TTC39B: variants seen among roughly 807,000 people sequenced by gnomAD.
TTC39B encodes tetratricopeptide repeat protein 39B.
In TTC39B, 92 loss-of-function variants were observed where a neutral mutation model predicts 96.6. That is an observed-to-expected ratio of 0.95 (90% confidence interval 0.80 to 1.13). TTC39B has a LOEUF of 1.13. TTC39B is among the 50% of genes most tolerant of loss of function. TTC39B has a pLI of 0.00. For missense variants in TTC39B, 955 were observed against 809.3 expected (o/e 1.18, Z -2.18); for synonymous variants, 367 against 299.4 (o/e 1.23, Z -2.33).
exon 20 of TTC39B, chr9:15,170,793 G>T (rs1304684911): frequency 6.6e-6 from 1 of 152,182 alleles, no homozygotes; most frequent in Non-Finnish European, 1.5e-5. Context: ...ATACATGTGG[G>T]GAGTTGGGGG....
intron 3 of TTC39B, among the ~76,000 whole-genome samples, chr9:15,220,451 T>C (rs1820781930): frequency 6.6e-6 from 1 of 152,214 alleles, no homozygotes; most frequent in Non-Finnish European, 1.5e-5. Flanking sequence ...TCCAAATCTT[T>C]GTTTCCTCAG....
intron 1 of TTC39B, among the ~76,000 whole-genome samples, chr9:15,286,867 C>A (rs953162428): frequency 1.3e-5 from 2 of 152,100 alleles, no homozygotes; most frequent in African/African-American, 4.8e-5. Context: ...CTCCACTGTT[C>A]TTAATTATTT....
At chr9:15,230,634 T>A (rs963522878) in intron 2 of TTC39B, among the ~76,000 whole-genome samples, 4 of 152,206 alleles carry the variant, frequency 2.6e-5, no homozygotes, top group Non-Finnish European at 5.9e-5. Flanking sequence ...TGATAATATA[T>A]GAATAATTTG....
At chr9:15,253,657 C>G (rs1175360680) in intron 2 of TTC39B, among the ~76,000 whole-genome samples, 1 of 152,190 alleles carries the variant, frequency 6.6e-6, no homozygotes, top group East Asian at 1.9e-4. Context: ...TGTCCCTTTG[C>G]CAATATTATC....
At chr9:15,239,110 A>G (rs1821919805) in intron 2 of TTC39B, among the ~76,000 whole-genome samples, 1 of 152,232 alleles carries the variant, frequency 6.6e-6, no homozygotes. Flanking sequence ...AGGCCTGAAC[A>G]GATATTTCTT....
At chr9:15,190,657 C>A (rs1208459061) in exon 11 of TTC39B, 3 of 1,612,786 alleles carry the variant, frequency 1.9e-6, no homozygotes, top group African/African-American at 2.7e-5. Context: ...GCAGGAGGCC[C>A]AACTCCTATG....
At chr9:15,198,461 AAT>A (rs61517681) in intron 8 of TTC39B, among the ~76,000 whole-genome samples, 33,799 of 116,980 alleles carry the variant, frequency 0.29, 3,957 homozygotes, top group Middle Eastern at 0.32. Flanking sequence ...CGGTCGCAAA[AAT>A]ATATATATAT....
chr9:15,288,602 T>C (rs1278559741), intron 1 of TTC39B, among the ~76,000 whole-genome samples: 1 of 152,096 alleles, frequency 6.6e-6, no homozygotes, highest in East Asian at 1.9e-4. Context: ...AGCCCCCACA[T>C]TCATCCTTCA....
At chr9:15,214,607 C>G (rs921388235) in intron 3 of TTC39B, among the ~76,000 whole-genome samples, 1 of 152,096 alleles carries the variant, frequency 6.6e-6, no homozygotes, top group Non-Finnish European at 1.5e-5. Context: ...AACTAACTTC[C>G]CTCCCCGACC....
At chr9:15,213,071 C>T (rs1820300416) in intron 4 of TTC39B, among the ~76,000 whole-genome samples, 1 of 152,084 alleles carries the variant, frequency 6.6e-6, no homozygotes, top group South Asian at 2.1e-4. Context: ...GGAATTATCA[C>T]ATGTACTCCA....
At chr9:15,170,185 T>TAG (rs55688150) in exon 20 of TTC39B, 1 of 151,330 alleles carries the variant, frequency 6.6e-6, no homozygotes, top group Non-Finnish European at 1.5e-5. Flanking sequence ...TCTACCGCCA[T>TAG]TGATATCTAT....
intron 2 of TTC39B, among the ~76,000 whole-genome samples, chr9:15,257,480 A>C (rs187943350): frequency 6.6e-6 from 1 of 152,040 alleles, no homozygotes; most frequent in Admixed American, 6.5e-5. Context: ...ACAGGGTCTT[A>C]CTCTATCACC....
intron 2 of TTC39B, among the ~76,000 whole-genome samples, chr9:15,240,308 C>T (rs539400258): frequency 1.3e-5 from 2 of 152,270 alleles, no homozygotes; most frequent in Non-Finnish European, 2.9e-5. Context: ...TGAAAAAGGC[C>T]AAAGGGCAAG....
At chr9:15,198,396 G>T (rs1018433221) in intron 8 of TTC39B, among the ~76,000 whole-genome samples, 59 of 151,166 alleles carry the variant, frequency 3.9e-4, no homozygotes, top group African/African-American at 1.4e-3. Flanking sequence ...GGCAGAGGTT[G>T]CAGTGAGCTG....
chr9:15,228,330 G>T (rs1435644325), intron 2 of TTC39B, among the ~76,000 whole-genome samples: 1 of 152,094 alleles, frequency 6.6e-6, no homozygotes, highest in Admixed American at 6.6e-5. Context: ...CAGGCGTGGT[G>T]GTGGGTGCCT....
chr9:15,207,066 T>C (rs1257381824), intron 6 of TTC39B, among the ~76,000 whole-genome samples: 1 of 152,186 alleles, frequency 6.6e-6, no homozygotes, highest in African/African-American at 2.4e-5. Flanking sequence ...GTGAAGAAGG[T>C]ACCTTGCTTC....
At chr9:15,203,674 TCAGCCAAAG>T in intron 7 of TTC39B, 140 bp downstream of exon 7, 3 of 610,034 alleles carry the variant, frequency 4.9e-6, no homozygotes, top group Admixed American at 3.4e-5. Context: ...GCATCTTTTT[TCAGCCAAAG>T]TTTATCAGAA....
intron 2 of TTC39B, among the ~76,000 whole-genome samples, chr9:15,228,406 G>C (rs1004987309): frequency 1.3e-5 from 2 of 152,194 alleles, no homozygotes; most frequent in Admixed American, 1.3e-4. Context: ...GGAGGTTGCA[G>C]TGAGCCAAGA....
chr9:15,222,070 T>G (rs944377456), intron 3 of TTC39B, among the ~76,000 whole-genome samples: 2 of 152,192 alleles, frequency 1.3e-5, no homozygotes, highest in African/African-American at 4.8e-5. Flanking sequence ...GTGGGATGTA[T>G]TCCCAAAAAC....
Sources: allele counts gnomAD v4.1 joint callset (sites outside exome capture counted in the v4.1 genomes callset), GRCh38; gene constraint gnomAD v4.1.1; transcripts MANE v1.5; gene names NCBI Gene and HGNC (gene_info 2026-07-23, HGNC 2026-07-21).